GPATCH2: variants seen among roughly 807,000 people sequenced by gnomAD.
GPATCH2 encodes G-patch domain containing 2.
Under a neutral mutation model 58.0 loss-of-function variants are expected in GPATCH2, and 51 were observed. The observed-to-expected ratio is 0.88, with a 90% CI of 0.70 to 1.11. The LOEUF (loss-of-function observed/expected upper bound fraction) is 1.11, where lower values mean the gene tolerates loss of function less well. Ranked by LOEUF, GPATCH2 falls within the 50% of genes most tolerant of loss-of-function variation. GPATCH2 has a pLI of 0.00. For missense variants in GPATCH2, 625 were observed against 652.2 expected (o/e 0.96, Z 0.45); for synonymous variants, 222 against 218.5 (o/e 1.02, Z -0.14).
intron 5 of GPATCH2, among the ~76,000 whole-genome samples, chr1:217,571,980 AGAAG>A (rs1189324019): frequency 8.0e-5 from 11 of 137,470 alleles, no homozygotes; most frequent in South Asian, 2.8e-4. Flanking sequence ...AAAGAAAGAA[AGAAG>A]GAAGGAAGGA....
At chr1:217,626,503 C>A (rs1383799528) in intron 1 of GPATCH2, among the ~76,000 whole-genome samples, 1 of 152,082 alleles carries the variant, frequency 6.6e-6, no homozygotes, top group Non-Finnish European at 1.5e-5. Context: ...AAATGAGTGA[C>A]TAAACATGCA....
chr1:217,607,536 A>T (rs762462783), intron 5 of GPATCH2, among the ~76,000 whole-genome samples: 2 of 152,186 alleles, frequency 1.3e-5, no homozygotes, highest in African/African-American at 4.8e-5. Flanking sequence ...GCTATTGGCC[A>T]TGAGTTCGAT....
intron 8 of GPATCH2, among the ~76,000 whole-genome samples, chr1:217,472,046 C>A (rs1349545275): frequency 6.6e-6 from 1 of 151,922 alleles, no homozygotes; most frequent in African/African-American, 2.4e-5. Flanking sequence ...CAGTAAAGGA[C>A]AAAAATCATA....
chr1:217,567,051 T>TG (rs1245486748), intron 5 of GPATCH2, among the ~76,000 whole-genome samples: 16 of 151,080 alleles, frequency 1.1e-4, no homozygotes, highest in African/African-American at 3.6e-4. Flanking sequence ...TCTGGCTTTT[T>TG]TTTTTTTTTT....
At chr1:217,528,281 T>C (rs1664019186) in intron 5 of GPATCH2, among the ~76,000 whole-genome samples, 1 of 152,210 alleles carries the variant, frequency 6.6e-6, no homozygotes, top group African/African-American at 2.4e-5. Context: ...TCAGACTCTG[T>C]TAAGGGTAGC....
rs1378601390 is a variant in GPATCH2 at position 217,427,673 on chromosome 1, C to CA, written c.*3471dup. ...TTAGATCACTTTTCTTTTTGAAAGA[C>CA]AAAATACAGGTGAAAACAGTTTTAA... On this transcript the variant is annotated 3_prime_UTR_variant, in exon 10 of 10. Transcript: ENST00000366935. 6.6e-6 allele frequency: 1 copy of CA among 151,976 alleles called. No individual in the cohort carries two copies. The highest frequency in any genetic ancestry group is 2.4e-5 in the African/African-American group (1 of 41,394). 9.4% of individuals were successfully genotyped at this position (151,976 alleles called of 1,614,324 possible).
intron 5 of GPATCH2, among the ~76,000 whole-genome samples, chr1:217,530,768 C>T (rs368992958): frequency 4.7e-4 from 72 of 152,230 alleles, no homozygotes; most frequent in African/African-American, 1.5e-3. Flanking sequence ...AATTATAAAA[C>T]TTAATTCAAT....
At chr1:217,468,462 G>A (rs972641048) in intron 8 of GPATCH2, among the ~76,000 whole-genome samples, 1 of 150,650 alleles carries the variant, frequency 6.6e-6, no homozygotes, top group African/African-American at 2.4e-5. Context: ...GAAACTTTAT[G>A]GGCCAAACAC....
At chr1:217,449,394 A>G in intron 8 of GPATCH2, 57 bp from the exon 9 acceptor site, 1 of 999,772 alleles carries the variant, frequency 1.0e-6, no homozygotes. Flanking sequence ...ACACATAAAT[A>G]CACAGCTTGT....
intron 5 of GPATCH2, among the ~76,000 whole-genome samples, chr1:217,528,543 A>G (rs971133045): frequency 1.3e-5 from 2 of 152,212 alleles, no homozygotes; most frequent in African/African-American, 4.8e-5. Flanking sequence ...GGAGTAAGTC[A>G]GAAACCAACA....
At chr1:217,446,429 T>A (rs146078281) in intron 9 of GPATCH2, among the ~76,000 whole-genome samples, 4 of 152,112 alleles carry the variant, frequency 2.6e-5, no homozygotes, top group African/African-American at 9.7e-5. Flanking sequence ...TATCAAAGTG[T>A]ATTTATGCAA....
chr1:217,567,978 A>G lies in GPATCH2; in HGVS notation c.1098+42343T>C, dbSNP rs535166479. Among the ~76,000 whole-genome samples the G allele has an allele frequency of 5.2e-4, 79 of 152,242 alleles. 1 individual carries two copies. In the East Asian group the frequency reaches 9.3e-3, roughly 18 times the overall value. On this transcript the variant is annotated intron_variant, in intron 5 of 9. Coordinates refer to ENST00000366935, the MANE Select transcript of GPATCH2 (RefSeq NM_018040.5). Reference sequence around the variant, plus strand: ...AAAAATACAAAAAAATTAGCCGAGCACGGTGGCGGGCGCCTGCAGTCCTAG... The same window carrying G: ...AAAAATACAAAAAAATTAGCCGAGCGCGGTGGCGGGCGCCTGCAGTCCTAG...
At chr1:217,454,815 T>C (rs920698799) in intron 8 of GPATCH2, among the ~76,000 whole-genome samples, 1 of 149,966 alleles carries the variant, frequency 6.7e-6, no homozygotes, top group African/African-American at 2.4e-5. Flanking sequence ...ATATTTTTAC[T>C]AGAGACGGGG....
At chr1:217,488,597 C>G (rs1351042634) in intron 8 of GPATCH2, among the ~76,000 whole-genome samples, 1 of 152,058 alleles carries the variant, frequency 6.6e-6, no homozygotes, top group Non-Finnish European at 1.5e-5. Flanking sequence ...TTATAAAGAA[C>G]ATATACTGGA....
chr1:217,575,542 G>A (rs1666766291), intron 5 of GPATCH2, among the ~76,000 whole-genome samples: 1 of 152,136 alleles, frequency 6.6e-6, no homozygotes. Context: ...ATCATGACAT[G>A]AGAAAACTGT....
chr1:217,611,742 G>A (rs1255959125), intron 3 of GPATCH2, among the ~76,000 whole-genome samples: 1 of 152,100 alleles, frequency 6.6e-6, no homozygotes, highest in African/African-American at 2.4e-5. Flanking sequence ...TTAAGAAATA[G>A]TTTTGAAAAA....
Position 217,615,403 on chromosome 1 carries a change from T to C in GPATCH2, c.774-1201A>G, listed in dbSNP as rs1022331407. ...GCTCCCTATATTGTACAATTGGTAATGAAAAAATATTTTCTAAGAGCATCA... is the reference window on the plus strand; with the variant it reads ...GCTCCCTATATTGTACAATTGGTAACGAAAAAATATTTTCTAAGAGCATCA... On this transcript the variant is annotated intron_variant, in intron 2 of 9. Coordinates refer to ENST00000366935, the MANE Select transcript of GPATCH2 (RefSeq NM_018040.5). Among the ~76,000 whole-genome samples the C allele has an allele frequency of 3.9e-5, 6 of 152,116 alleles. No individual in the cohort carries two copies. The East Asian group carries it at 1.2e-3, about 29-fold the overall frequency.
chr1:217,570,765 A>G (rs1336685105), intron 5 of GPATCH2, among the ~76,000 whole-genome samples: 4 of 152,208 alleles, frequency 2.6e-5, no homozygotes, highest in Admixed American at 2.6e-4. Flanking sequence ...CACTAAGAAT[A>G]AATTCTGGAA....
intron 9 of GPATCH2, among the ~76,000 whole-genome samples, chr1:217,444,449 A>C (rs1049219448): frequency 6.6e-6 from 1 of 152,136 alleles, no homozygotes; most frequent in African/African-American, 2.4e-5. Flanking sequence ...GATGGCTTCA[A>C]ATTTTATTCA....
Sources: allele counts gnomAD v4.1 joint callset (sites outside exome capture counted in the v4.1 genomes callset), GRCh38; gene constraint gnomAD v4.1.1; transcripts MANE v1.5; gene names NCBI Gene and HGNC (gene_info 2026-07-23, HGNC 2026-07-21).